The following PCMTD2 variants were observed in gnomAD, a reference collection of about 807,000 sequenced individuals.
The protein encoded by PCMTD2 is protein-L-isoaspartate O-methyltransferase domain-containing protein 2.
A neutral mutation model predicts 33.4 loss-of-function variants in PCMTD2; 16 were observed. The observed-to-expected ratio is 0.48, with a 90% CI of 0.32 to 0.73. PCMTD2 has a LOEUF of 0.73. PCMTD2 is among the 30% of genes least tolerant of loss of function. The pLI, the probability that PCMTD2 is intolerant of heterozygous loss-of-function variation, is 0.03. For synonymous variants in PCMTD2, 161 were observed against 160.8 expected (o/e 1.00, Z -0.01); for missense variants, 374 against 449.9 (o/e 0.83, Z 1.53).
chr20:64,264,477 A>G lies in PCMTD2; in HGVS notation c.356A>G (p.Glu119Gly). ...HGVELHSDVIEYAKQKLDFFI... is the reference protein window; with the variant it reads ...HGVELHSDVIGYAKQKLDFFI... ...GTGGAACTTCACTCAGATGTGATAG[A>G]GTATGCAAAGCAGAAACTGGACTTC... is the stretch of plus-strand genomic sequence containing the variant. The change falls in exon 3 of 6, where the codon GAG becomes GGG. Residue 119 changes from glutamate to glycine, a missense_variant. Glu to Gly is a moderately conservative substitution (Grantham distance 98). Transcript: ENST00000308824. 1 of 1,607,900 alleles carries G rather than the reference A, an allele frequency of 6.2e-7. No individual in the cohort carries two copies. The highest frequency in any genetic ancestry group is 8.5e-7 in the Non-Finnish European group (1 of 1,174,372).
rs1439075632 is a variant in PCMTD2 at position 64,255,850 on chromosome 20, G to T, written c.-45G>T. On this transcript the variant is annotated 5_prime_UTR_variant, in exon 1 of 6. Transcript: ENST00000308824. Reference sequence around the variant, plus strand: ...GTGGCAGCCCAGGCGGTCCGAACCCGTCGGCCGGCCGAGCCTGGAGGTAGA... The same window carrying T: ...GTGGCAGCCCAGGCGGTCCGAACCCTTCGGCCGGCCGAGCCTGGAGGTAGA... The T allele has an allele frequency of 6.5e-6, 1 of 154,532 alleles. No individual in the cohort carries two copies. Among genetic ancestry groups the T allele is most frequent in the African/African-American group, 2.4e-5 (1 of 41,206 alleles). 9.6% of individuals were successfully genotyped at this position (154,532 alleles called of 1,614,324 possible).
At chr20:64,261,121 G>A (rs1015818714) in intron 2 of PCMTD2, among the ~76,000 whole-genome samples, 2 of 152,148 alleles carry the variant, frequency 1.3e-5, no homozygotes, top group African/African-American at 4.8e-5. Context: ...ACTGCACATG[G>A]AAATATGGCT....
intron 1 of PCMTD2, chr20:64,256,514 C>G (rs1484592761): frequency 6.6e-6 from 1 of 152,192 alleles, no homozygotes; most frequent in Non-Finnish European, 1.5e-5. Context: ...CCTCTTTACT[C>G]GTGTGACTAG....
intron 2 of PCMTD2, among the ~76,000 whole-genome samples, chr20:64,263,716 C>G (rs1235886928): frequency 6.6e-6 from 1 of 152,190 alleles, no homozygotes; most frequent in Non-Finnish European, 1.5e-5. Context: ...CCCCCTCCTC[C>G]TCCTAGAAAG....
chr20:64,265,573 G>T, intron 4 of PCMTD2, 144 bp downstream of exon 4: 2 of 623,940 alleles, frequency 3.2e-6, no homozygotes, highest in Non-Finnish European at 2.6e-6. Context: ...GGAGATGCAG[G>T]GTCACGCACA....
At chr20:64,256,089 C>T (rs1985150628) in intron 1 of PCMTD2, among the ~76,000 whole-genome samples, 2 of 152,150 alleles carry the variant, frequency 1.3e-5, no homozygotes, top group South Asian at 2.1e-4. Context: ...CGCGGTTTCC[C>T]GTCGGTCTCT....
intron 1 of PCMTD2, among the ~76,000 whole-genome samples, chr20:64,259,058 C>T (rs1435334485): frequency 6.6e-6 from 1 of 152,124 alleles, no homozygotes; most frequent in African/African-American, 2.4e-5. Flanking sequence ...GAAGGTAAGA[C>T]AAGTAGTTGT....
intron 2 of PCMTD2, among the ~76,000 whole-genome samples, chr20:64,262,007 C>T (rs985929176): frequency 6.6e-6 from 1 of 152,154 alleles, no homozygotes. Context: ...AATCTCAGCA[C>T]TTTGGGAGGC....
At chr20:64,263,187 C>T (rs566791161) in intron 2 of PCMTD2, among the ~76,000 whole-genome samples, 2 of 152,238 alleles carry the variant, frequency 1.3e-5, no homozygotes, top group South Asian at 4.1e-4. Context: ...GAATTGAAGT[C>T]GGAGTTGTCA....
In PCMTD2 at chr20:64,259,928, A is replaced by C. The variant is rs538892981; in HGVS notation, c.-24-14A>C. 34 of 1,407,212 alleles carry C rather than the reference A, an allele frequency of 2.4e-5. No individual in the cohort carries two copies. The African/African-American group carries it at 4.7e-4, about 19-fold the overall frequency. 87.2% of individuals were successfully genotyped at this position (1,407,212 alleles called of 1,614,324 possible). On this transcript the variant is annotated splice_polypyrimidine_tract_variant and intron_variant, in intron 1 of 5. Transcript: ENST00000308824. ...TTAACATAAATCGCTCTTTTTAAACATTTTTAATTATAGTATTGCCTAAGT... is the reference window on the plus strand; with the variant it reads ...TTAACATAAATCGCTCTTTTTAAACCTTTTTAATTATAGTATTGCCTAAGT...
At chr20:64,256,680 GT>G (rs1355121340) in intron 1 of PCMTD2, 1 of 152,234 alleles carries the variant, frequency 6.6e-6, no homozygotes, top group African/African-American at 2.4e-5. Context: ...CTACACTCAG[GT>G]GATGAGAGGA....
At chr20:64,263,650 A>G (rs529532797) in intron 2 of PCMTD2, among the ~76,000 whole-genome samples, 21 of 152,336 alleles carry the variant, frequency 1.4e-4, no homozygotes, top group South Asian at 1.0e-3. Context: ...ACCGCCATAT[A>G]AACTCCAGCC....
intron 1 of PCMTD2, among the ~76,000 whole-genome samples, chr20:64,259,578 C>T (rs1009004123): frequency 1.3e-5 from 2 of 151,874 alleles, no homozygotes; most frequent in Non-Finnish European, 2.9e-5. Context: ...TTAGTAGAGA[C>T]GGGGTTTCAC....
At chr20:64,265,140 C>G (rs774730132) in intron 3 of PCMTD2, 118 bp from the exon 4 acceptor site, 26 of 604,766 alleles carry the variant, frequency 4.3e-5, no homozygotes, top group African/African-American at 7.4e-5. Context: ...TCCAGCTCCT[C>G]ACACTGTAAA....
At position 64,256,169 on chromosome 20, in the gene PCMTD2, C is replaced by T. The variant is rs554139085; in HGVS notation, c.-25+299C>T. Among the ~76,000 whole-genome samples, 8 of 152,336 alleles carry T rather than the reference C, an allele frequency of 5.3e-5. No homozygotes were observed. In the South Asian group the frequency reaches 1.7e-3, roughly 32 times the overall value. On this transcript the variant is annotated intron_variant, in intron 1 of 5. Coordinates refer to ENST00000308824, the MANE Select transcript of PCMTD2 (RefSeq NM_018257.3). ...AGACCTGCAGCTTGTCTTTGACTTC[C>T]CAAGTGGGAAACGTTTGCAGTTCCA...
chr20:64,266,533 A>G (rs193205708), intron 4 of PCMTD2, among the ~76,000 whole-genome samples: 7 of 152,286 alleles, frequency 4.6e-5, no homozygotes, highest in Middle Eastern at 3.4e-3. Context: ...CTGGGATTAC[A>G]GGTGTGAGCC....
intron 1 of PCMTD2, among the ~76,000 whole-genome samples, chr20:64,256,432 C>G (rs1018847363): frequency 1.3e-5 from 2 of 152,174 alleles, no homozygotes; most frequent in East Asian, 1.9e-4. Context: ...GACGTGTCTC[C>G]TAAATGAATG....
intron 3 of PCMTD2, 115 bp downstream of exon 3, chr20:64,264,646 A>C (rs902600368): frequency 1.4e-5 from 9 of 644,984 alleles, no homozygotes; most frequent in Non-Finnish European, 1.9e-5. Context: ...TGGTGGGATG[A>C]TTCTATGTGC....
At chr20:64,262,211 G>T (rs1601741057) in intron 2 of PCMTD2, among the ~76,000 whole-genome samples, 1 of 151,922 alleles carries the variant, frequency 6.6e-6, no homozygotes, top group Middle Eastern at 3.4e-3. Context: ...CAGAGATGGT[G>T]CCACTGCACT....
Sources: allele counts gnomAD v4.1 joint callset (sites outside exome capture counted in the v4.1 genomes callset), GRCh38; gene constraint gnomAD v4.1.1; transcripts MANE v1.5; gene names NCBI Gene and HGNC (gene_info 2026-07-23, HGNC 2026-07-21).